SDF4: variants seen among roughly 807,000 people sequenced by gnomAD.
SDF4 encodes stromal cell derived factor 4.
A neutral mutation model predicts 34.2 loss-of-function variants in SDF4; 22 were observed. The ratio of observed to expected loss-of-function variants is 0.64; its 90% CI spans 0.46 to 0.92. The LOEUF (loss-of-function observed/expected upper bound fraction) is 0.92. Among genes scored for constraint, SDF4 ranks in the 40% least tolerant of loss-of-function variants. The pLI is 0.00. For missense variants in SDF4, 447 were observed against 499.9 expected, an observed-to-expected ratio of 0.89 and a Z score of 1.01; for synonymous variants, 236 against 203.1, an observed-to-expected ratio of 1.16 and a Z score of -1.38.
At chr1:1,224,067 A>C (rs1457476245) in intron 2 of SDF4, 99 bp from the exon 3 acceptor site, 3 of 1,556,686 alleles carry the variant, frequency 1.9e-6, no homozygotes, top group Non-Finnish European at 2.6e-6. Context: ...TGGCTGCGTG[A>C]ACCTGCCACC....
rs1366014568 is a variant in SDF4, at chr1:1,228,461, C to T, written c.305+7G>A. 13 of 1,594,904 alleles carry T rather than the reference C, an allele frequency of 8.2e-6. No individual in the cohort carries two copies. The highest frequency in any genetic ancestry group is 1.1e-5 in the Non-Finnish European group (13 of 1,169,128). On this transcript the variant is annotated splice_region_variant and intron_variant, in intron 2 of 6. Transcript: ENST00000360001. ...GCCCCCCAGTCTGGGCACATGGCGG[C>T]ACCTACTTGGAAAAGATGACCATCA...
At position 1,228,790 on chromosome 1, in the gene SDF4, C is replaced by T. The variant is rs769895886; in HGVS notation, c.-18G>A. On this transcript the variant is annotated 5_prime_UTR_variant, in exon 2 of 7. Coordinates refer to ENST00000360001, the MANE Select transcript of SDF4 (RefSeq NM_016176.6). Reference sequence around the variant, plus strand: ...GACGCCATCGCCACCCAGGGCCAGACCATGGGGCGGGCTGCAGGGTGTGGG... The same window carrying T: ...GACGCCATCGCCACCCAGGGCCAGATCATGGGGCGGGCTGCAGGGTGTGGG... The T allele has an allele frequency of 1.3e-6, 2 of 1,591,120 alleles. No individual in the cohort carries two copies. Among genetic ancestry groups the T allele is most frequent in the Admixed American group, 1.7e-5 (1 of 57,476 alleles).
At chr1:1,230,216 T>C (rs1638451664) in intron 1 of SDF4, among the ~76,000 whole-genome samples, 1 of 152,234 alleles carries the variant, frequency 6.6e-6, no homozygotes, top group South Asian at 2.1e-4. Flanking sequence ...GAGACTCCTG[T>C]TCTGTGGCCG....
intron 4 of SDF4, chr1:1,220,099 C>G (rs1045886846): frequency 4.1e-6 from 4 of 986,206 alleles, no homozygotes; most frequent in Non-Finnish European, 4.8e-6. Context: ...GGCCGAGAGA[C>G]GCTTTCTCCA....
chr1:1,222,702 G>A (rs1570481185), intron 4 of SDF4, among the ~76,000 whole-genome samples: 1 of 152,278 alleles, frequency 6.6e-6, no homozygotes, highest in East Asian at 1.9e-4. Context: ...TGAAGGTGCC[G>A]TGACCAGCAG....
At chr1:1,224,446 A>ATTT (rs1331259580) in intron 2 of SDF4, among the ~76,000 whole-genome samples, 3 of 152,020 alleles carry the variant, frequency 2.0e-5, no homozygotes, top group Non-Finnish European at 2.9e-5. Flanking sequence ...CGCCTGGCTA[A>ATTT]TTTTTGTATT....
intron 1 of SDF4, among the ~76,000 whole-genome samples, chr1:1,231,264 A>T (rs1638484439): frequency 6.6e-6 from 1 of 152,254 alleles, no homozygotes; most frequent in Non-Finnish European, 1.5e-5. Context: ...GCCATCCCCT[A>T]GCAGCTCAGT....
intron 1 of SDF4, among the ~76,000 whole-genome samples, chr1:1,229,596 C>T (rs1345344623): frequency 1.3e-5 from 2 of 152,204 alleles, no homozygotes; most frequent in East Asian, 1.9e-4. Flanking sequence ...CAGGGGCTAA[C>T]CTGTCCCCAT....
chr1:1,220,069 A>G (rs1368016440), intron 4 of SDF4: 2 of 986,382 alleles, frequency 2.0e-6, no homozygotes, highest in African/African-American at 3.5e-5. Context: ...CAGGAGAGGC[A>G]CAGACGCCCC....
chr1:1,224,112 CG>C lies in SDF4; in HGVS notation c.306-145del, dbSNP rs1225799757. 5 of 1,446,560 alleles carry C rather than the reference CG, an allele frequency of 3.5e-6. No individual in the cohort carries two copies. The African/African-American group carries it at 7.1e-5, about 20-fold the overall frequency. 89.6% of individuals were successfully genotyped at this position (1,446,560 alleles called of 1,614,324 possible). A position where few individuals can be genotyped will look rare whatever the true frequency, so the allele number is the denominator to read the frequency against. On this transcript the variant is annotated intron_variant, in intron 2 of 6. Coordinates refer to ENST00000360001, the MANE Select transcript of SDF4 (RefSeq NM_016176.6). ...AGGCTCCACCAGGCAACGCGAAAAG[CG>C]TCCGGGACGTGGGGCTTGTGGGGTG...
At chr1:1,220,201 C>T (rs957561777) in intron 4 of SDF4, 1 of 992,358 alleles carries the variant, frequency 1.0e-6, no homozygotes, top group Admixed American at 5.8e-5. Context: ...ACGAGCCGGG[C>T]CTCTGCTGTT....
At chr1:1,219,207 C>CA (rs1238298021) in intron 4 of SDF4, 11 of 1,258,830 alleles carry the variant, frequency 8.7e-6, no homozygotes, top group African/African-American at 3.3e-5. Context: ...GCCTGGACCC[C>CA]CCCCTGCCCC....
rs746657319 is a variant in SDF4, at chr1:1,218,754, TGGACCCAGCCTCA to T, written c.715+2_715+14del. 1 of 1,612,520 alleles carries T rather than the reference TGGACCCAGCCTCA, an allele frequency of 6.2e-7. No individual in the cohort carries two copies. The highest frequency in any genetic ancestry group is 1.7e-5 in the Admixed American group (1 of 59,998). On this transcript the variant is annotated splice_donor_variant and splice_donor_5th_base_variant and intron_variant, in intron 5 of 6. Transcript: ENST00000360001. LOFTEE classifies it high-confidence loss of function. The surrounding 1 kb of genome is among the most constrained non-coding windows in gnomAD (Gnocchi z 7.9). ...CTGGGTCCTGGCGTGCCGGCCAGGCTGGACCCAGCCTCACCCAGGTCCCGGACGATCTCCTTCA... is the reference window on the plus strand; with the variant it reads ...CTGGGTCCTGGCGTGCCGGCCAGGCTCCCAGGTCCCGGACGATCTCCTTCA...
chr1:1,226,586 CCT>C (rs1557520412), intron 2 of SDF4, among the ~76,000 whole-genome samples: 29 of 152,088 alleles, frequency 1.9e-4, no homozygotes, highest in African/African-American at 7.0e-4. Flanking sequence ...GGGACGGGGC[CCT>C]ACGCAGGAGA....
intron 4 of SDF4, among the ~76,000 whole-genome samples, chr1:1,222,701 C>T (rs916448109): frequency 3.3e-5 from 5 of 152,266 alleles, no homozygotes; most frequent in African/African-American, 4.8e-5. Context: ...GTGAAGGTGC[C>T]GTGACCAGCA....
At position 1,217,650 on chromosome 1, in the gene SDF4, G is replaced by A. The variant is rs770420046; in HGVS notation, c.930C>T (p.Asn310=). 7.4e-6 allele frequency: 12 copies of A among 1,613,828 alleles called. No homozygotes were observed. Among genetic ancestry groups the A allele is most frequent in the East Asian group, 4.5e-5 (2 of 44,836 alleles). Residue 310 remains asparagine (N), a synonymous_variant, in exon 7 of 7, where the codon AAC becomes AAT. Coordinates refer to ENST00000360001, the MANE Select transcript of SDF4 (RefSeq NM_016176.6). This position sits in a 1 kb window ranked among gnomAD's most constrained non-coding sequence, Gnocchi z 8.5. ...CGACGGCGATCATCTGCTTGGCCTC[G>A]TTCAGCGCGTTGTACTCGTTCATGG... is the stretch of plus-strand genomic sequence containing the variant. ...MDPMNEYNAL[N]EAKQMIAVAD...
At chr1:1,231,014 G>A (rs1029897217) in intron 1 of SDF4, among the ~76,000 whole-genome samples, 10 of 152,222 alleles carry the variant, frequency 6.6e-5, no homozygotes, top group African/African-American at 1.7e-4. Flanking sequence ...GAGGCAGGAG[G>A]ATCGTGAGAC....
In SDF4 at chr1:1,218,445, C is replaced by T. The variant is rs369701415; in HGVS notation, c.891+13G>A. 448 of 1,607,414 alleles carry T rather than the reference C, an allele frequency of 2.8e-4. 1 individual carries two copies. Among genetic ancestry groups the T allele is most frequent in the South Asian group, 1.3e-3 (117 of 90,968 alleles). On this transcript the variant is annotated intron_variant, in intron 6 of 6. Transcript: ENST00000360001. The surrounding 1 kb of genome is among the most constrained non-coding windows in gnomAD (Gnocchi z 7.9). ...CAGGGCCGGCTCCGGGACACGGCTG[C>T]GCCAGGGCTCACCTCCAGCTCCTCG...
At chr1:1,223,029 GAGCACACACAC>G (rs1650058926) in intron 4 of SDF4, 1 of 572,046 alleles carries the variant, frequency 1.7e-6, no homozygotes, top group Admixed American at 3.2e-5. Context: ...ATGTACTCAC[GAGCACACACAC>G]AGCACACGTA....
Sources: gnomAD v4.1 joint callset for allele counts (sites outside exome capture counted in the v4.1 genomes callset) on GRCh38, gnomAD v4.1.1 for gene constraint, Gnocchi (gnomAD v3.1) non-coding constraint, MANE v1.5 for transcripts, NCBI Gene and HGNC (gene_info 2026-07-23, HGNC 2026-07-21) for gene names.